Variants in SUPT3H observed in about 807,000 individuals in gnomAD.
The protein encoded by SUPT3H is SPT3 homolog, SAGA and STAGA complex component.
In SUPT3H, 44 loss-of-function variants were observed where a neutral mutation model predicts 44.3. That is an observed-to-expected ratio of 0.99 (90% confidence interval 0.78 to 1.28). The LOEUF (loss-of-function observed/expected upper bound fraction) is 1.28, where lower values mean the gene tolerates loss of function less well. Ranked by LOEUF, SUPT3H falls within the 50% of genes most tolerant of loss-of-function variation. The probability of loss-of-function intolerance (pLI) is 0.00; values close to 1 mark genes in which losing one functional copy is unlikely to be tolerated. For missense variants in SUPT3H, 380 were observed against 387.1 expected, an observed-to-expected ratio of 0.98 and a Z score of 0.15; for synonymous variants, 124 against 125.6, an observed-to-expected ratio of 0.99 and a Z score of 0.09.
chr6:44,948,879 T>C (rs1773797409), intron 9 of SUPT3H, among the ~76,000 whole-genome samples: 1 of 152,192 alleles, frequency 6.6e-6, no homozygotes, highest in African/African-American at 2.4e-5. Context: ...GACCCAGCCA[T>C]CCCATTACTG....
intron 2 of SUPT3H, among the ~76,000 whole-genome samples, chr6:45,359,263 T>A: frequency 6.6e-6 from 1 of 152,180 alleles, no homozygotes; most frequent in Non-Finnish European, 1.5e-5. Flanking sequence ...CCTATTTCAT[T>A]TCTGAAAGGA....
intron 2 of SUPT3H, among the ~76,000 whole-genome samples, chr6:45,214,885 C>T (rs369594899): frequency 2.0e-5 from 3 of 152,098 alleles, no homozygotes; most frequent in Admixed American, 6.5e-5. Context: ...CCCTCACGAC[C>T]GAGAGTCGGC....
At chr6:44,814,544 A>G (rs755539558) in intron 11 of SUPT3H, among the ~76,000 whole-genome samples, 3 of 152,204 alleles carry the variant, frequency 2.0e-5, no homozygotes, top group Non-Finnish European at 2.9e-5. Flanking sequence ...GCTGCTGCCC[A>G]GGAGTTCCCT....
chr6:45,089,319 G>A (rs1245329460), intron 3 of SUPT3H, among the ~76,000 whole-genome samples: 1 of 151,924 alleles, frequency 6.6e-6, no homozygotes, highest in East Asian at 1.9e-4. Flanking sequence ...TTTCAATGAT[G>A]TTCTTCCCTT....
chr6:45,099,568 T>C (rs1798265735), intron 3 of SUPT3H, among the ~76,000 whole-genome samples: 1 of 152,138 alleles, frequency 6.6e-6, no homozygotes, highest in Admixed American at 6.5e-5. Context: ...CTTAAAACCC[T>C]CATCTCACTC....
intron 4 of SUPT3H, among the ~76,000 whole-genome samples, chr6:45,015,639 C>T (rs146659413): frequency 6.6e-6 from 1 of 152,254 alleles, no homozygotes; most frequent in African/African-American, 2.4e-5. Flanking sequence ...AAATACTTCA[C>T]TCTTACAGTA....
intron 2 of SUPT3H, among the ~76,000 whole-genome samples, chr6:45,178,252 A>T (rs1812391197): frequency 6.6e-6 from 1 of 152,206 alleles, no homozygotes; most frequent in Admixed American, 6.5e-5. Context: ...AAACAAAAAA[A>T]GGCAGGGGTT....
intron 7 of SUPT3H, among the ~76,000 whole-genome samples, chr6:44,955,886 C>T (rs1288610365): frequency 4.6e-5 from 7 of 151,666 alleles, no homozygotes; most frequent in East Asian, 3.9e-4. Context: ...TTTGGGAGGC[C>T]GACGCGGGCC....
At chr6:45,151,244 A>T (rs900380888) in intron 2 of SUPT3H, among the ~76,000 whole-genome samples, 20 of 152,138 alleles carry the variant, frequency 1.3e-4, no homozygotes, top group African/African-American at 4.3e-4. Context: ...AAATTTTAGT[A>T]CTTATAAAAA....
intron 2 of SUPT3H, among the ~76,000 whole-genome samples, chr6:45,273,580 G>T (rs939234437): frequency 3.9e-5 from 6 of 151,992 alleles, no homozygotes; most frequent in Non-Finnish European, 8.8e-5. Context: ...TGAAACCCAG[G>T]CATAGTATTT....
chr6:44,961,627 T>C (rs1776037345), intron 7 of SUPT3H, 126 bp downstream of exon 7: 3 of 725,194 alleles, frequency 4.1e-6, no homozygotes, highest in East Asian at 2.7e-5. Flanking sequence ...GTTGTTTGTA[T>C]AGCACTTACA....
At chr6:45,233,576 A>G (rs577416709) in intron 2 of SUPT3H, among the ~76,000 whole-genome samples, 2 of 152,328 alleles carry the variant, frequency 1.3e-5, no homozygotes, top group South Asian at 2.1e-4. Flanking sequence ...TTTCACCACA[A>G]TATCAAGCCC....
intron 10 of SUPT3H, among the ~76,000 whole-genome samples, chr6:44,856,772 C>T (rs1330990579): frequency 3.9e-5 from 6 of 152,144 alleles, no homozygotes; most frequent in Non-Finnish European, 7.4e-5. Flanking sequence ...TGAACACAAA[C>T]GTAGGGCACG....
At chr6:45,241,010 G>C (rs1014655487) in intron 2 of SUPT3H, among the ~76,000 whole-genome samples, 28 of 152,208 alleles carry the variant, frequency 1.8e-4, no homozygotes, top group Non-Finnish European at 3.8e-4. Context: ...TTAGCAGCTA[G>C]TAACCCATTA....
At chr6:44,967,452 A>G (rs1026422727) in intron 6 of SUPT3H, among the ~76,000 whole-genome samples, 3 of 152,224 alleles carry the variant, frequency 2.0e-5, no homozygotes, top group Non-Finnish European at 4.4e-5. Flanking sequence ...CTCTCGGTAC[A>G]TATTTGTTAA....
At chr6:45,037,377 A>C (rs745544650) in intron 3 of SUPT3H, among the ~76,000 whole-genome samples, 77 of 151,790 alleles carry the variant, frequency 5.1e-4, no homozygotes, top group Non-Finnish European at 9.1e-4. Context: ...GGCAGGGCGC[A>C]GTGGCTCATG....
At chr6:45,148,483 T>C (rs1371709547) in intron 2 of SUPT3H, among the ~76,000 whole-genome samples, 1 of 152,144 alleles carries the variant, frequency 6.6e-6, no homozygotes, top group Admixed American at 6.6e-5. Context: ...AGTGACTTCA[T>C]CCATAAGAAA....
chr6:45,315,324 A>C (rs1784519443), intron 2 of SUPT3H, among the ~76,000 whole-genome samples: 1 of 152,084 alleles, frequency 6.6e-6, no homozygotes, highest in East Asian at 1.9e-4. Context: ...CAAAAGGAAC[A>C]ATCAGCAAAG....
At chr6:45,012,332 C>G (rs1373330997) in intron 5 of SUPT3H, among the ~76,000 whole-genome samples, 1 of 151,656 alleles carries the variant, frequency 6.6e-6, no homozygotes, top group African/African-American at 2.4e-5. Context: ...TTCTCTGAAG[C>G]TGTTAATTTT....
Sources: gnomAD v4.1 joint callset for allele counts (sites outside exome capture counted in the v4.1 genomes callset) on GRCh38, gnomAD v4.1.1 for gene constraint, MANE v1.5 for transcripts, NCBI Gene and HGNC (gene_info 2026-07-23, HGNC 2026-07-21) for gene names.